Variants in PTPN3 observed in about 807,000 individuals in gnomAD.
PTPN3 encodes protein tyrosine phosphatase non-receptor type 3, also known as tyrosine-protein phosphatase non-receptor type 3.
In PTPN3, 96 loss-of-function variants were observed where a neutral mutation model predicts 132.7. The ratio of observed to expected loss-of-function variants is 0.72; its 90% CI spans 0.61 to 0.86. PTPN3 has a LOEUF of 0.86. Ranked by LOEUF, PTPN3 falls within the 40% of genes least tolerant of loss-of-function variation. The pLI, the probability that PTPN3 is intolerant of heterozygous loss-of-function variation, is 0.00. For missense variants in PTPN3, 1,125 were observed against 1,159.6 expected, an observed-to-expected ratio of 0.97 and a Z score of 0.43; for synonymous variants, 398 against 429.0, an observed-to-expected ratio of 0.93 and a Z score of 0.89.
At chr9:109,410,097 G>A in intron 15 of PTPN3, 21 bp from the exon 16 acceptor site, 2 of 1,614,150 alleles carry the variant, frequency 1.2e-6, no homozygotes, top group Non-Finnish European at 1.7e-6. Context: ...GTTTGAAAGT[G>A]GTCATTTGCA....
chr9:109,455,246 TAG>T (rs1210470586), intron 4 of PTPN3, among the ~76,000 whole-genome samples: 1 of 152,218 alleles, frequency 6.6e-6, no homozygotes, highest in Non-Finnish European at 1.5e-5. Context: ...CATCAACATC[TAG>T]AGTCAATTTG....
At position 109,379,908 on chromosome 9, in the gene PTPN3, C is replaced by G. The variant is rs143245449; in HGVS notation, c.2665-275G>C. ...GGAGCAAAAGTCCCTGCGGGACAGC[C>G]CTTCTTGTAAGTGGAAGTGTGGAAG... On this transcript the variant is annotated intron_variant, in intron 25 of 25. Transcript: ENST00000374541. 5.5e-4 allele frequency among the ~76,000 whole-genome samples: 84 copies of G among 152,228 alleles called. 1 individual carries two copies. The highest frequency in any genetic ancestry group is 4.1e-3 in the East Asian group (21 of 5,160).
chr9:109,408,401 C>G (rs749298948), intron 16 of PTPN3, 24 bp from the exon 17 acceptor site: 2 of 1,552,630 alleles, frequency 1.3e-6, no homozygotes, highest in Non-Finnish European at 1.7e-6. Context: ...AAAATAAAAA[C>G]AAAACAAAGT....
chr9:109,440,437 T>C (rs1208194905), intron 7 of PTPN3, among the ~76,000 whole-genome samples: 1 of 151,814 alleles, frequency 6.6e-6, no homozygotes, highest in East Asian at 1.9e-4. Context: ...ATGTTAAGAG[T>C]GAAGAAATTG....
intron 1 of PTPN3, among the ~76,000 whole-genome samples, chr9:109,488,074 C>T (rs569600875): frequency 2.1e-5 from 3 of 140,404 alleles, no homozygotes; most frequent in Non-Finnish European, 3.1e-5. Context: ...TGTGTGGGGT[C>T]GGGGGGAGGA....
chr9:109,385,776 C>T (rs1014837316), intron 22 of PTPN3, among the ~76,000 whole-genome samples: 7 of 152,220 alleles, frequency 4.6e-5, no homozygotes, highest in Admixed American at 4.6e-4. Flanking sequence ...TGGCAACATG[C>T]TGCTGGGGAC....
the PTPN3 span, chr9:109,534,123 C>G: frequency 1.3e-6 from 1 of 791,380 alleles, no homozygotes; most frequent in Non-Finnish European, 2.3e-6. Context: ...CATATCCGTT[C>G]CTTAAGTTGA....
intron 1 of PTPN3, among the ~76,000 whole-genome samples, chr9:109,473,850 C>T (rs1000323376): frequency 6.6e-6 from 1 of 152,108 alleles, no homozygotes; most frequent in Non-Finnish European, 1.5e-5. Flanking sequence ...GGTGACCACT[C>T]TCTCCTGACT....
chr9:109,488,134 T>A (rs1588505579), intron 1 of PTPN3, among the ~76,000 whole-genome samples: 2 of 150,612 alleles, frequency 1.3e-5, no homozygotes, highest in African/African-American at 4.9e-5. Context: ...TCTCGCTCTT[T>A]TGCCCAGGCT....
intron 9 of PTPN3, among the ~76,000 whole-genome samples, chr9:109,435,281 C>T (rs1483407130): frequency 6.6e-6 from 1 of 152,162 alleles, no homozygotes; most frequent in African/African-American, 2.4e-5. Context: ...TTCCCAGCTC[C>T]CCTTGCAGAG....
chr9:109,414,045 C>T (rs1282114550), intron 14 of PTPN3, among the ~76,000 whole-genome samples: 4 of 152,158 alleles, frequency 2.6e-5, no homozygotes, highest in African/African-American at 9.7e-5. Flanking sequence ...TGTTCCTCTC[C>T]TAGTACTCGG....
At chr9:109,438,573 T>C (rs750124570) in intron 7 of PTPN3, among the ~76,000 whole-genome samples, 2 of 152,214 alleles carry the variant, frequency 1.3e-5, no homozygotes, top group Non-Finnish European at 2.9e-5. Flanking sequence ...TTTGCACTCA[T>C]GCCACTGGAT....
intron 23 of PTPN3, 37 bp downstream of exon 23, chr9:109,383,386 C>T (rs932682384): frequency 1.2e-6 from 2 of 1,613,958 alleles, no homozygotes; most frequent in South Asian, 1.1e-5. Flanking sequence ...TGATTCAGCA[C>T]CTGCCCCTCC....
intron 5 of PTPN3, chr9:109,451,391 T>C (rs750778243): frequency 1.2e-4 from 119 of 958,386 alleles, no homozygotes; most frequent in Non-Finnish European, 1.4e-4. Context: ...CTTCTTAAGA[T>C]GGAAGGTGGG....
At position 109,389,343 on chromosome 9, in the gene PTPN3, T is replaced by C. The variant is rs1183157679; in HGVS notation, c.2143A>G (p.Ile715Val). Residue 715 changes from isoleucine (I) to valine (V), a missense_variant, in exon 22 of 26, where the codon ATC becomes GTC. Coordinates refer to ENST00000374541, the MANE Select transcript of PTPN3 (RefSeq NM_002829.4). ...TGCGGCAGGGGCCCCTGAGTGGCGA[T>C]GTACTTGTTCACAAGGTTAGCAGCA... ...IPAANLVNKY[I>V]ATQGPLPHTC... The C allele has an allele frequency of 1.2e-6, 2 of 1,613,926 alleles. No individual in the cohort carries two copies. Among genetic ancestry groups the C allele is most frequent in the African/African-American group, 2.7e-5 (2 of 74,944 alleles).
intron 19 of PTPN3, among the ~76,000 whole-genome samples, chr9:109,399,623 G>A (rs1484469336): frequency 7.1e-6 from 1 of 140,640 alleles, no homozygotes; most frequent in Admixed American, 6.9e-5. Flanking sequence ...GAAAGCCACA[G>A]GAGGGACTTT....
chr9:109,419,089 A>G (rs1670789498), intron 14 of PTPN3, among the ~76,000 whole-genome samples: 1 of 152,268 alleles, frequency 6.6e-6, no homozygotes, highest in Admixed American at 6.5e-5. Flanking sequence ...AGCCCTGACA[A>G]AGGGGCAGCA....
chr9:109,483,276 C>G (rs1395532543), intron 1 of PTPN3, among the ~76,000 whole-genome samples: 1 of 152,190 alleles, frequency 6.6e-6, no homozygotes, highest in African/African-American at 2.4e-5. Flanking sequence ...AATGCCATAG[C>G]TGGGCCTCCT....
intron 1 of PTPN3, among the ~76,000 whole-genome samples, chr9:109,483,689 T>TA (rs1418995241): frequency 6.6e-6 from 1 of 152,164 alleles, no homozygotes; most frequent in African/African-American, 2.4e-5. Flanking sequence ...ACCGGGCTCT[T>TA]ACGATCAGTC....
Sources: gnomAD v4.1 joint callset for allele counts (sites outside exome capture counted in the v4.1 genomes callset) on GRCh38, gnomAD v4.1.1 for gene constraint, MANE v1.5 for transcripts, NCBI Gene and HGNC (gene_info 2026-07-23, HGNC 2026-07-21) for gene names.